Variants in ERBB4 observed in about 807,000 individuals in gnomAD.
ERBB4 encodes erb-b2 receptor tyrosine kinase 4, also known as receptor tyrosine-protein kinase erbB-4.
In ERBB4, 42 loss-of-function variants were observed where a neutral mutation model predicts 158.0. That is an observed-to-expected ratio of 0.27 (90% CI 0.21 to 0.34). The LOEUF is 0.34. ERBB4 is among the 10% of genes least tolerant of loss of function. The probability of loss-of-function intolerance (pLI) is 1.00; values close to 1 mark genes in which losing one functional copy is unlikely to be tolerated. For missense variants in ERBB4, 1,333 were observed against 1,624.1 expected (o/e 0.82, Z 3.08); for synonymous variants, 583 against 558.7 (o/e 1.04, Z -0.61).
At chr2:212,431,977 T>G (rs867250079) in intron 1 of ERBB4, among the ~76,000 whole-genome samples, 4 of 152,338 alleles carry the variant, frequency 2.6e-5, no homozygotes, top group African/African-American at 7.2e-5. Context: ...TTGTCAACTT[T>G]TAAGAAAATA....
intron 2 of ERBB4, among the ~76,000 whole-genome samples, chr2:212,007,239 C>T (rs2076280034): frequency 6.6e-6 from 1 of 151,672 alleles, no homozygotes. Flanking sequence ...AATTCAGATA[C>T]ATTCTTCTGT....
intron 2 of ERBB4, among the ~76,000 whole-genome samples, chr2:212,079,723 T>G (rs565181738): frequency 6.6e-6 from 1 of 152,082 alleles, no homozygotes; most frequent in African/African-American, 2.4e-5. Context: ...CTGCCAAGTA[T>G]CTTTTTAAAA....
chr2:211,933,013 A>G (rs147214545), intron 3 of ERBB4, among the ~76,000 whole-genome samples: 10 of 152,176 alleles, frequency 6.6e-5, no homozygotes, highest in African/African-American at 1.9e-4. Flanking sequence ...GTGATCTTCA[A>G]TAAAATCACA....
chr2:212,466,918 C>T (rs941274872), intron 1 of ERBB4, among the ~76,000 whole-genome samples: 1 of 152,074 alleles, frequency 6.6e-6, no homozygotes, highest in Non-Finnish European at 1.5e-5. Flanking sequence ...AAAGTTCAGG[C>T]TGAGGTGGTT....
At chr2:211,637,569 G>A (rs1056568745) in intron 16 of ERBB4, among the ~76,000 whole-genome samples, 10 of 151,702 alleles carry the variant, frequency 6.6e-5, no homozygotes, top group African/African-American at 2.4e-4. Context: ...GTAAACCAAA[G>A]GCTTTTTTGA....
At chr2:211,384,255 T>C (rs1465866580) in intron 27 of ERBB4, among the ~76,000 whole-genome samples, 195 bp from the exon 28 acceptor site, 1 of 152,144 alleles carries the variant, frequency 6.6e-6, no homozygotes, top group African/African-American at 2.4e-5. Flanking sequence ...AAAATGTTTA[T>C]AATAAAACAA....
At chr2:212,198,542 CCTT>C (rs2082496987) in intron 1 of ERBB4, among the ~76,000 whole-genome samples, 1 of 152,002 alleles carries the variant, frequency 6.6e-6, no homozygotes, top group Non-Finnish European at 1.5e-5. Context: ...AGAATTCAAT[CCTT>C]CTTAGGGCTG....
intron 5 of ERBB4, among the ~76,000 whole-genome samples, chr2:211,737,960 A>AT (rs2074657352): frequency 6.6e-6 from 1 of 152,050 alleles, no homozygotes. Flanking sequence ...CAATGTTTGT[A>AT]TTTTTTACTA....
chr2:212,375,776 G>T (rs1350739711), intron 1 of ERBB4, among the ~76,000 whole-genome samples: 1 of 152,024 alleles, frequency 6.6e-6, no homozygotes, highest in African/African-American at 2.4e-5. Context: ...AGTTTGAAAA[G>T]AGCCCCTATC....
At chr2:211,906,176 A>G (rs2079387638) in intron 3 of ERBB4, among the ~76,000 whole-genome samples, 1 of 152,146 alleles carries the variant, frequency 6.6e-6, no homozygotes, top group Non-Finnish European at 1.5e-5. Context: ...AAGCTACTCT[A>G]ATAATCCAGG....
rs534888597 is a variant in ERBB4, at chr2:211,532,307, C to A, written c.2487+29596G>T. Among the ~76,000 whole-genome samples the A allele has an allele frequency of 2.6e-5, 4 of 152,138 alleles. No homozygotes were observed. In the South Asian group the frequency reaches 6.2e-4, roughly 24 times the overall value. ...GAGTATAATTAGATTGTTTGTAACT[C>A]AAAGCATAAATGCTTGATGTGATTG... On this transcript the variant is annotated intron_variant, in intron 20 of 27. Coordinates refer to ENST00000342788, the MANE Select transcript of ERBB4 (RefSeq NM_005235.3).
At chr2:212,412,367 T>C (rs967359675) in intron 1 of ERBB4, among the ~76,000 whole-genome samples, 4 of 152,214 alleles carry the variant, frequency 2.6e-5, no homozygotes, top group Admixed American at 6.5e-5. Context: ...AATGGCTTAA[T>C]GCCCTCCCTT....
chr2:212,137,094 T>C (rs1211811955), intron 1 of ERBB4, among the ~76,000 whole-genome samples: 1 of 152,190 alleles, frequency 6.6e-6, no homozygotes, highest in Non-Finnish European at 1.5e-5. Context: ...GGTTGGTCTC[T>C]CTAAAACATT....
At chr2:212,131,719 C>A (rs1003139510) in intron 1 of ERBB4, among the ~76,000 whole-genome samples, 4 of 152,076 alleles carry the variant, frequency 2.6e-5, no homozygotes, top group Non-Finnish European at 4.4e-5. Flanking sequence ...TTCCTGTGGG[C>A]GTCTCTTAGT....
At chr2:211,714,061 A>G (rs1372182480) in intron 7 of ERBB4, among the ~76,000 whole-genome samples, 1 of 152,240 alleles carries the variant, frequency 6.6e-6, no homozygotes, top group Non-Finnish European at 1.5e-5. Context: ...ATCAGAGTAC[A>G]TTTCACATCC....
chr2:212,064,087 T>G (rs554159785), intron 2 of ERBB4, among the ~76,000 whole-genome samples: 4 of 152,252 alleles, frequency 2.6e-5, no homozygotes, highest in Non-Finnish European at 5.9e-5. Flanking sequence ...AAAAGAATCT[T>G]TCCTGGGAAA....
At chr2:211,641,054 C>G (rs1216189355) in intron 16 of ERBB4, among the ~76,000 whole-genome samples, 1 of 152,066 alleles carries the variant, frequency 6.6e-6, no homozygotes, top group Admixed American at 6.6e-5. Flanking sequence ...TCAACTTTTA[C>G]AATTTCTTTA....
chr2:212,019,716 T>G lies in ERBB4; in HGVS notation c.235-72100A>C, dbSNP rs561281954. ...AGGTGGAGGTTGCAGTGAGCCAAGATTGTGCCACTGCATCCAGCCTGGAAA... is the reference window on the plus strand; with the variant it reads ...AGGTGGAGGTTGCAGTGAGCCAAGAGTGTGCCACTGCATCCAGCCTGGAAA... On this transcript the variant is annotated intron_variant, in intron 2 of 27. Coordinates refer to ENST00000342788, the MANE Select transcript of ERBB4 (RefSeq NM_005235.3). Among the ~76,000 whole-genome samples the G allele has an allele frequency of 6.2e-5, 9 of 144,150 alleles. No individual in the cohort carries two copies. The Admixed American group carries it at 6.4e-4, about 10-fold the overall frequency. The allele number at this position is 144,150 out of a possible 152,430, so 94.6% of individuals were successfully genotyped here.
chr2:211,493,023 T>C (rs973767791), intron 20 of ERBB4, among the ~76,000 whole-genome samples: 8 of 152,164 alleles, frequency 5.3e-5, no homozygotes, highest in African/African-American at 1.7e-4. Context: ...TTATATGTCA[T>C]TAATGATTTC....
Sources: allele counts gnomAD v4.1 joint callset (sites outside exome capture counted in the v4.1 genomes callset), GRCh38; gene constraint gnomAD v4.1.1; transcripts MANE v1.5; gene names NCBI Gene and HGNC (gene_info 2026-07-23, HGNC 2026-07-21).